Variants in SEL1L2 observed in about 807,000 individuals in gnomAD.
SEL1L2 encodes the protein SEL1L2 adaptor subunit of SYVN1 ubiquitin ligase.
SEL1L2 carries 89 observed loss-of-function variants against 98.8 expected under a neutral mutation model. That is an observed-to-expected ratio of 0.90 (90% CI 0.76 to 1.07). The LOEUF (loss-of-function observed/expected upper bound fraction) is 1.07, where lower values mean the gene tolerates loss of function less well. SEL1L2 is among the 50% of genes least tolerant of loss of function. The pLI is 0.00. For missense variants in SEL1L2, 788 were observed against 812.0 expected, an observed-to-expected ratio of 0.97 and a Z score of 0.36; for synonymous variants, 262 against 278.5, an observed-to-expected ratio of 0.94 and a Z score of 0.59.
chr20:13,942,034 C>G (rs2049805450), intron 2 of SEL1L2, among the ~76,000 whole-genome samples: 1 of 152,094 alleles, frequency 6.6e-6, no homozygotes, highest in Non-Finnish European at 1.5e-5. Flanking sequence ...GCTGATAAAG[C>G]TCTTGGGAAA....
At chr20:13,994,065 C>T (rs59436523), upstream of SEL1L2, among the ~76,000 whole-genome samples, 960 of 152,120 alleles carry the variant, frequency 6.3e-3, 8 homozygotes, top group African/African-American at 0.022. Flanking sequence ...AATCCCAGCA[C>T]TTTGGGATCA....
At chr20:13,961,655 A>G (rs2050777202) in intron 1 of SEL1L2, among the ~76,000 whole-genome samples, 1 of 152,240 alleles carries the variant, frequency 6.6e-6, no homozygotes, top group Non-Finnish European at 1.5e-5. Flanking sequence ...AAAGCTACTC[A>G]GTCACAAACA....
chr20:13,851,837 C>T (rs758621895), intron 18 of SEL1L2, among the ~76,000 whole-genome samples: 5 of 151,136 alleles, frequency 3.3e-5, no homozygotes, highest in African/African-American at 4.9e-5. Flanking sequence ...CTTGAGGATG[C>T]TGTTAAAACT....
intron 13 of SEL1L2, 114 bp from the exon 14 acceptor site, chr20:13,869,704 T>C (rs2046093911): frequency 2.9e-6 from 2 of 678,554 alleles, no homozygotes; most frequent in African/African-American, 3.6e-5. Context: ...TTAGGGTAAT[T>C]AAAATAGTAT....
intron 2 of SEL1L2, among the ~76,000 whole-genome samples, chr20:13,945,340 T>C (rs1296170822): frequency 1.3e-5 from 2 of 152,186 alleles, no homozygotes; most frequent in African/African-American, 4.8e-5. Flanking sequence ...TAACTATTAA[T>C]GAAAACAATG....
Position 13,849,608 on chromosome 20 carries a change from C to T in SEL1L2, c.1948-4G>A, listed in dbSNP as rs1178513700. On this transcript the variant is annotated splice_polypyrimidine_tract_variant and splice_region_variant and intron_variant, in intron 19 of 19. Transcript: ENST00000284951. ...GCCAGTTCCATCTCGTTGTGAACTG[C>T]TGGCAAGAGACATTCTCTCAAAAAC... 1 of 1,613,288 alleles carries T rather than the reference C, an allele frequency of 6.2e-7. No homozygotes were observed. The highest frequency in any genetic ancestry group is 1.7e-5 in the Admixed American group (1 of 59,906).
chr20:13,970,502 C>T (rs957801411), intron 1 of SEL1L2, among the ~76,000 whole-genome samples: 1 of 152,070 alleles, frequency 6.6e-6, no homozygotes, highest in Non-Finnish European at 1.5e-5. Flanking sequence ...AAAAAGCTAC[C>T]ATTCTACTTC....
chr20:13,909,138 TCCAGCTTCTTTA>T lies in SEL1L2; in HGVS notation c.549+4632_549+4643del, dbSNP rs1004418118. Among the ~76,000 whole-genome samples the T allele has an allele frequency of 2.4e-4, 37 of 152,312 alleles. No homozygotes were observed. The South Asian group carries it at 3.1e-3, about 13-fold the overall frequency. ...CTCTCTCATTTTCTCTCTCTCTTTC[TCCAGCTTCTTTA>T]CCCACATTTCTGTTGCTATGTTGTC... On this transcript the variant is annotated intron_variant, in intron 5 of 19. Coordinates refer to ENST00000284951, the MANE Select transcript of SEL1L2 (RefSeq NM_025229.2).
intron 1 of SEL1L2, among the ~76,000 whole-genome samples, chr20:13,982,651 G>C (rs747183408): frequency 6.6e-6 from 1 of 151,932 alleles, no homozygotes; most frequent in East Asian, 1.9e-4. Flanking sequence ...AAATAGATGG[G>C]AGACAGGACC....
At chr20:13,951,308 G>GAAAGAAAT (rs1555894208) in intron 2 of SEL1L2, among the ~76,000 whole-genome samples, 5 of 115,672 alleles carry the variant, frequency 4.3e-5, no homozygotes, top group Admixed American at 2.2e-4. Context: ...AAGAAAGAAA[G>GAAAGAAAT]AAAGAAAATA....
chr20:13,932,116 A>G (rs2049170848), intron 2 of SEL1L2, among the ~76,000 whole-genome samples: 2 of 152,212 alleles, frequency 1.3e-5, no homozygotes, highest in African/African-American at 2.4e-5. Context: ...AAAAAAATGA[A>G]GGCGTTGATA....
Position 13,956,122 on chromosome 20 carries a change from G to A in SEL1L2, c.68C>T (p.Ala23Val), listed in dbSNP as rs769800436. 5.8e-5 allele frequency: 89 copies of A among 1,534,654 alleles called. No individual in the cohort carries two copies. Among genetic ancestry groups the A allele is most frequent in the Non-Finnish European group, 7.8e-5 (88 of 1,128,824 alleles). Residue 23 changes from alanine to valine, a missense_variant, in exon 2 of 20, where the codon GCA (alanine) becomes GTA (valine). Coordinates refer to ENST00000284951, the MANE Select transcript of SEL1L2 (RefSeq NM_025229.2). ...ILGVTIKTIK[A>V]EEHNKRQKER... ...CTTTTGTCTTTTATTATGTTCCTCT[G>A]CTTTGATAGCTGCAATACACAAAAT...
chr20:13,952,315 G>T (rs1205092208), intron 2 of SEL1L2, among the ~76,000 whole-genome samples: 1 of 152,188 alleles, frequency 6.6e-6, no homozygotes, highest in Admixed American at 6.5e-5. Context: ...TTAAAAGACA[G>T]TGCAGGTAAG....
rs1006281007 is a variant in SEL1L2, at chr20:13,975,374, A to T, written c.58+15103T>A. 3.9e-5 allele frequency among the ~76,000 whole-genome samples: 6 copies of T among 152,184 alleles called. No homozygotes were observed. In the East Asian group the frequency reaches 9.6e-4, roughly 24 times the overall value. ...ATTTTTCATCTGGCTGTTTAATAGT[A>T]TGCACAAACAGCCTGAGGCAAGTAA... is the stretch of plus-strand genomic sequence containing the variant. On this transcript the variant is annotated intron_variant, in intron 1 of 19. Coordinates refer to ENST00000284951, the MANE Select transcript of SEL1L2 (RefSeq NM_025229.2).
At chr20:13,961,388 C>T (rs576301769) in intron 1 of SEL1L2, among the ~76,000 whole-genome samples, 114 of 152,280 alleles carry the variant, frequency 7.5e-4, no homozygotes, top group Middle Eastern at 3.4e-3. Context: ...TTTACTCCTC[C>T]CCTTCCACTG....
chr20:13,953,267 C>T (rs1210971392), intron 2 of SEL1L2, among the ~76,000 whole-genome samples: 1 of 151,936 alleles, frequency 6.6e-6, no homozygotes, highest in Non-Finnish European at 1.5e-5. Context: ...CGTTTTGATA[C>T]GTGTTTTCTA....
chr20:13,942,369 G>T (rs374187176), intron 2 of SEL1L2, among the ~76,000 whole-genome samples: 29 of 152,272 alleles, frequency 1.9e-4, no homozygotes, highest in African/African-American at 6.5e-4. Flanking sequence ...AAGAAAATGA[G>T]TTTTTCTATA....
intron 10 of SEL1L2, among the ~76,000 whole-genome samples, chr20:13,882,063 C>G (rs1319441498): frequency 2.0e-5 from 3 of 151,398 alleles, no homozygotes; most frequent in Non-Finnish European, 2.9e-5. Context: ...ATGTAATGAT[C>G]AAAACATCAC....
At chr20:13,957,721 T>C (rs1431208280) in intron 1 of SEL1L2, among the ~76,000 whole-genome samples, 1 of 151,938 alleles carries the variant, frequency 6.6e-6, no homozygotes, top group South Asian at 2.1e-4. Flanking sequence ...CTACAAAAAA[T>C]GCAAAAATTA....
Sources: allele counts gnomAD v4.1 joint callset (sites outside exome capture counted in the v4.1 genomes callset), GRCh38; gene constraint gnomAD v4.1.1; transcripts MANE v1.5; gene names NCBI Gene and HGNC (gene_info 2026-07-23, HGNC 2026-07-21).